The following ABCA13 variants were observed in gnomAD, a reference collection of about 807,000 sequenced individuals.
ABCA13 encodes ATP-binding cassette sub-family A member 13.
In ABCA13, 476 loss-of-function variants were observed where a neutral mutation model predicts 478.7. The ratio of observed to expected loss-of-function variants is 0.99; its 90% CI spans 0.92 to 1.07. The LOEUF (loss-of-function observed/expected upper bound fraction) is 1.07, where lower values mean the gene tolerates loss of function less well. ABCA13 is among the 50% of genes least tolerant of loss of function. The probability of loss-of-function intolerance (pLI) is 0.00; values close to 1 mark genes in which losing one functional copy is unlikely to be tolerated. For synonymous variants in ABCA13, 2,252 were observed against 2,158.9 expected, an observed-to-expected ratio of 1.04 and a Z score of -1.20; for missense variants, 6,060 against 5,910.6, an observed-to-expected ratio of 1.03 and a Z score of -0.83.
Position 48,350,732 on chromosome 7 carries a change from G to A in ABCA13, c.10294G>A (p.Ala3432Thr), listed in dbSNP as rs1190105986. Reference sequence around the variant, plus strand: ...CTTGGTCAATCTCTCTTCCTGCGTGGCACTGAACCGTTTCCAGGCTCTGCA... The same window carrying A: ...CTTGGTCAATCTCTCTTCCTGCGTGACACTGAACCGTTTCCAGGCTCTGCA... ...SILVNLSSCV[A>T]LNRFQALQSV... Residue 3432 changes from alanine (A) to threonine (T), a missense_variant, in exon 30 of 62, where the codon GCA (alanine) becomes ACA (threonine). By Grantham distance (58) the Ala-to-Thr change is moderately conservative. Around this residue, in one of 3 missense-constraint regions of ABCA13, gnomAD observed 4,423 missense variants for 4,309.1 expected, o/e 1.03. Coordinates refer to ENST00000435803, the MANE Select transcript of ABCA13 (RefSeq NM_152701.5). 4 of 1,613,794 alleles carry A rather than the reference G, an allele frequency of 2.5e-6. No individual in the cohort carries two copies. In the African/African-American group the frequency reaches 4.0e-5, roughly 16 times the overall value.
chr7:48,610,982 C>T (rs974285425), intron 58 of ABCA13, among the ~76,000 whole-genome samples: 18 of 152,200 alleles, frequency 1.2e-4, no homozygotes, highest in Non-Finnish European at 1.8e-4. Context: ...GCATTTTCCC[C>T]ATTGTCTTGG....
At chr7:48,506,767 A>G (rs1831250478) in intron 49 of ABCA13, among the ~76,000 whole-genome samples, 1 of 152,114 alleles carries the variant, frequency 6.6e-6, no homozygotes, top group South Asian at 2.1e-4. Context: ...AATATTTCTC[A>G]TGCAAGATTT....
intron 39 of ABCA13, among the ~76,000 whole-genome samples, chr7:48,407,517 T>C (rs926979782): frequency 4.0e-5 from 6 of 151,720 alleles, no homozygotes; most frequent in Admixed American, 2.0e-4. Flanking sequence ...TAAGAAATAA[T>C]AATACAGCAA....
intron 19 of ABCA13, among the ~76,000 whole-genome samples, chr7:48,287,416 C>T (rs181707321): frequency 5.3e-5 from 8 of 152,188 alleles, no homozygotes; most frequent in Admixed American, 2.0e-4. Context: ...GCTGGACAGA[C>T]GCACAGATGG....
intron 23 of ABCA13, among the ~76,000 whole-genome samples, chr7:48,308,786 T>C (rs1801299112): frequency 6.6e-6 from 1 of 151,618 alleles, no homozygotes; most frequent in South Asian, 2.1e-4. Context: ...GTACCTTTTC[T>C]ATGTTTAGAT....
chr7:48,535,327 G>A (rs1372819958), intron 55 of ABCA13, among the ~76,000 whole-genome samples: 1 of 152,146 alleles, frequency 6.6e-6, no homozygotes, highest in African/African-American at 2.4e-5. Flanking sequence ...GGATGGTATT[G>A]GGGAGTGTCT....
At chr7:48,330,627 A>G (rs1052174159) in intron 27 of ABCA13, among the ~76,000 whole-genome samples, 1 of 151,700 alleles carries the variant, frequency 6.6e-6, no homozygotes, top group African/African-American at 2.4e-5. Context: ...CCATCCATTC[A>G]TCTATCTGTC....
intron 19 of ABCA13, among the ~76,000 whole-genome samples, chr7:48,282,123 T>C (rs1797135372): frequency 6.6e-6 from 1 of 152,246 alleles, no homozygotes; most frequent in South Asian, 2.1e-4. Flanking sequence ...AGTGACTATA[T>C]TGTAAATGAA....
intron 31 of ABCA13, among the ~76,000 whole-genome samples, chr7:48,365,997 C>G (rs538492075): frequency 6.6e-6 from 1 of 152,096 alleles, no homozygotes; most frequent in Admixed American, 6.6e-5. Flanking sequence ...AGAAAAAAAT[C>G]CTAAAACTTA....
At chr7:48,611,007 C>T (rs1227076331) in intron 58 of ABCA13, among the ~76,000 whole-genome samples, 1 of 152,210 alleles carries the variant, frequency 6.6e-6, no homozygotes, top group African/African-American at 2.4e-5. Flanking sequence ...TAACATTCAG[C>T]TCTTCTTTAC....
chr7:48,624,554 CT>C (rs1376316801), intron 59 of ABCA13, among the ~76,000 whole-genome samples: 1,777 of 94,516 alleles, frequency 0.019, 25 homozygotes, highest in African/African-American at 0.06. Flanking sequence ...TTTCTTTTTT[CT>C]TTTTTTTTTT....
intron 23 of ABCA13, among the ~76,000 whole-genome samples, chr7:48,301,936 G>A (rs1304134329): frequency 2.6e-5 from 4 of 152,122 alleles, no homozygotes; most frequent in African/African-American, 9.7e-5. Flanking sequence ...GTCAGCTAGC[G>A]TTTCTTAGGT....
intron 39 of ABCA13, among the ~76,000 whole-genome samples, 198 bp from the exon 40 acceptor site, chr7:48,410,322 G>A (rs187800396): frequency 2.0e-5 from 3 of 152,266 alleles, no homozygotes; most frequent in East Asian, 3.9e-4. Flanking sequence ...TGGGAGATCC[G>A]TGGAAACTAC....
intron 55 of ABCA13, among the ~76,000 whole-genome samples, chr7:48,542,024 G>A (rs1035678531): frequency 2.0e-5 from 3 of 151,096 alleles, no homozygotes; most frequent in African/African-American, 7.3e-5. Context: ...TATAATTCAA[G>A]TAAAGGTACA....
In ABCA13 at chr7:48,227,346, C is replaced by T. The variant is rs1411596165; in HGVS notation, c.553C>T (p.Leu185=). 29 of 1,612,724 alleles carry T rather than the reference C, an allele frequency of 1.8e-5. No individual in the cohort carries two copies. In the East Asian group the frequency reaches 6.0e-4, roughly 33 times the overall value. ...TCATATCTGGGATTTTCTACTTTTA[C>T]TGCCGAGACTACACACAAGCCATGA... ...QPHIWDFLLL[L]PRLHTSHDHV... The change falls in exon 6 of 62, where the codon CTG becomes TTG. Residue 185 remains leucine, a synonymous_variant. Coordinates refer to ENST00000435803, the MANE Select transcript of ABCA13 (RefSeq NM_152701.5).
intron 16 of ABCA13, among the ~76,000 whole-genome samples, chr7:48,270,764 G>C (rs1394075850): frequency 6.6e-6 from 1 of 152,130 alleles, no homozygotes; most frequent in Non-Finnish European, 1.5e-5. Context: ...CAGACAGTGT[G>C]TTATACAACA....
chr7:48,565,777 A>G (rs1241469086), intron 55 of ABCA13, among the ~76,000 whole-genome samples: 3 of 152,196 alleles, frequency 2.0e-5, no homozygotes, highest in Non-Finnish European at 4.4e-5. Flanking sequence ...ATGCTCCCTG[A>G]AGCTGTCTTT....
chr7:48,399,908 T>C (rs1817359204), intron 38 of ABCA13, among the ~76,000 whole-genome samples: 1 of 152,220 alleles, frequency 6.6e-6, no homozygotes, highest in Non-Finnish European at 1.5e-5. Context: ...ATGATGGGTA[T>C]GTGTTCTGGC....
intron 57 of ABCA13, among the ~76,000 whole-genome samples, chr7:48,592,715 CTTTCAGTTTTGTTAATA>C (rs1296576235): frequency 3.3e-5 from 5 of 151,866 alleles, no homozygotes; most frequent in Admixed American, 3.3e-4. Flanking sequence ...TCTTTTACTC[CTTTCAGTTTTGTTAATA>C]TTTGCATTAC....
Sources: gnomAD v4.1 joint callset for allele counts (sites outside exome capture counted in the v4.1 genomes callset) on GRCh38, gnomAD v4.1.1 for gene constraint, gnomAD v4.1.1 regional missense constraint, MANE v1.5 for transcripts, NCBI Gene and HGNC (gene_info 2026-07-23, HGNC 2026-07-21) for gene names.